Variants in C8B observed in about 807,000 individuals in gnomAD.
The protein encoded by C8B is complement component C8 beta chain.
In C8B, 67 loss-of-function variants were observed where a neutral mutation model predicts 64.6. The observed-to-expected ratio is 1.04, with a 90% CI of 0.85 to 1.27. C8B has a LOEUF of 1.27. Ranked by LOEUF, C8B falls within the 50% of genes most tolerant of loss-of-function variation. The pLI is 0.00. For synonymous variants in C8B, 284 were observed against 257.7 expected, an observed-to-expected ratio of 1.10 and a Z score of -0.98; for missense variants, 790 against 725.2, an observed-to-expected ratio of 1.09 and a Z score of -1.03.
chr1:56,949,389 C>G (rs1644987611), intron 6 of C8B, among the ~76,000 whole-genome samples, 166 bp downstream of exon 6: 1 of 152,160 alleles, frequency 6.6e-6, no homozygotes, highest in African/African-American at 2.4e-5. Context: ...AGCAAGAAGG[C>G]CCTCACTATA....
intron 1 of C8B, 71 bp from the exon 2 acceptor site, chr1:56,960,247 G>T (rs897375826): frequency 1.5e-6 from 2 of 1,369,914 alleles, no homozygotes; most frequent in African/African-American, 1.4e-5. Flanking sequence ...CCATCTATTT[G>T]TACATTCAAT....
At chr1:56,929,602 A>G (rs1484459818) in intron 11 of C8B, 44 bp from the exon 12 acceptor site, 1 of 1,594,928 alleles carries the variant, frequency 6.3e-7, no homozygotes, top group Non-Finnish European at 8.6e-7. Flanking sequence ...CACTTCTTAT[A>G]TTCTGGTGCC....
rs1438196932 is a variant in C8B at position 56,945,955 on chromosome 1, A to G, written c.971T>C (p.Leu324Pro). 1 of 1,614,170 alleles carries G rather than the reference A, an allele frequency of 6.2e-7. No individual in the cohort carries two copies. Among genetic ancestry groups the G allele is most frequent in the Admixed American group, 1.7e-5 (1 of 60,024 alleles). Residue 324 changes from leucine to proline, a missense_variant, in exon 7 of 12, where the codon CTG (leucine) becomes CCG (proline). Leu to Pro is a moderately conservative substitution (Grantham distance 98). Coordinates refer to ENST00000371237, the MANE Select transcript of C8B (RefSeq NM_000066.4). The stretch of plus-strand genomic sequence containing the variant: ...TTCCCCGTAGCTGTACTCCAGGGGC[A>G]GCCGCTTAACTCTCTGAAGGAACTC... The part of the protein sequence containing the change: ...HYEFLQRVKR[L>P]PLEYSYGEYR...
At chr1:56,930,520 TA>T (rs1644685292) in intron 11 of C8B, among the ~76,000 whole-genome samples, 1 of 152,146 alleles carries the variant, frequency 6.6e-6, no homozygotes, top group Admixed American at 6.5e-5. Context: ...AGATGACTGC[TA>T]GGGGCATGGT....
intron 4 of C8B, 108 bp from the exon 5 acceptor site, chr1:56,952,288 A>G (rs1044172306): frequency 8.8e-6 from 13 of 1,485,440 alleles, no homozygotes; most frequent in South Asian, 5.7e-5. Flanking sequence ...ACAGCCTTCA[A>G]GGCCCTTGAT....
At chr1:56,951,027 G>A (rs1032697256) in intron 5 of C8B, among the ~76,000 whole-genome samples, 1 of 152,134 alleles carries the variant, frequency 6.6e-6, no homozygotes, top group African/African-American at 2.4e-5. Flanking sequence ...GCTAAAAAGT[G>A]TGTTGGGGAG....
At chr1:56,936,513 A>ATTTTTTTTTTTT (rs1557728244) in intron 9 of C8B, among the ~76,000 whole-genome samples, 1 of 64,872 alleles carries the variant, frequency 1.5e-5, no homozygotes, top group African/African-American at 5.2e-5. Flanking sequence ...ATTTGTGGTA[A>ATTTTTTTTTTTT]ATTTTTTTTT....
chr1:56,931,054 A>G (rs1644693929), intron 11 of C8B, among the ~76,000 whole-genome samples: 1 of 152,170 alleles, frequency 6.6e-6, no homozygotes, highest in South Asian at 2.1e-4. Context: ...AGTGTCTATT[A>G]TATAGTAAAG....
At chr1:56,936,884 C>T (rs1644783825) in intron 9 of C8B, among the ~76,000 whole-genome samples, 1 of 152,166 alleles carries the variant, frequency 6.6e-6, no homozygotes, top group South Asian at 2.1e-4. Context: ...TGAGCCACCA[C>T]ACCTGCTGGG....
chr1:56,954,917 T>C (rs548656598), intron 3 of C8B, 90 bp from the exon 4 acceptor site: 1,326 of 1,449,942 alleles, frequency 9.1e-4, no homozygotes, highest in Non-Finnish European at 1.2e-3. Context: ...GCCAGACCTT[T>C]TGTCAGGCCT....
Position 56,933,409 on chromosome 1 carries a change from A to G in C8B, c.1478T>C (p.Leu493Pro), listed in dbSNP as rs747130071. ...STVRQNMKQA[L>P]EEFQKEVSSC... ...ACTAACTTCCTTCTGGAACTCCTCC[A>G]GTGCCTGCTTCATGTTCTGCCTCAC... The change falls in exon 10 of 12, where the codon CTG becomes CCG. Residue 493 changes from leucine (L) to proline (P), a missense_variant. Leu to Pro is a moderately conservative substitution (Grantham distance 98). Coordinates refer to ENST00000371237, the MANE Select transcript of C8B (RefSeq NM_000066.4). 4 of 1,613,720 alleles carry G rather than the reference A, an allele frequency of 2.5e-6. No individual in the cohort carries two copies. Among genetic ancestry groups the G allele is most frequent in the Non-Finnish European group, 3.4e-6 (4 of 1,179,622 alleles).
chr1:56,934,630 G>A (rs892997698), intron 9 of C8B, among the ~76,000 whole-genome samples: 1 of 152,116 alleles, frequency 6.6e-6, no homozygotes, highest in Non-Finnish European at 1.5e-5. Flanking sequence ...CCTCCCTTGG[G>A]AAGAAAATTG....
intron 6 of C8B, among the ~76,000 whole-genome samples, chr1:56,947,725 A>C (rs1644961760): frequency 6.6e-6 from 1 of 152,134 alleles, no homozygotes; most frequent in African/African-American, 2.4e-5. Context: ...AGGTCAGTAG[A>C]TCAAGATCAT....
chr1:56,950,274 G>C (rs1416622407), intron 5 of C8B, among the ~76,000 whole-genome samples: 1 of 152,170 alleles, frequency 6.6e-6, no homozygotes, highest in East Asian at 1.9e-4. Context: ...CTGGTGGTTG[G>C]ATTGGAAGGG....
intron 1 of C8B, among the ~76,000 whole-genome samples, chr1:56,965,463 T>C (rs1023315704): frequency 1.3e-5 from 2 of 151,208 alleles, no homozygotes; most frequent in African/African-American, 4.9e-5. Context: ...TCTGAAGATT[T>C]GGGGTTGATG....
chr1:56,944,714 G>C (rs1423513953), intron 7 of C8B, among the ~76,000 whole-genome samples: 1 of 152,168 alleles, frequency 6.6e-6, no homozygotes, highest in Non-Finnish European at 1.5e-5. Context: ...AGGAACAGTG[G>C]AAAGTACTTC....
chr1:56,940,399 TAA>T (rs778772264), intron 9 of C8B, among the ~76,000 whole-genome samples: 6 of 137,500 alleles, frequency 4.4e-5, no homozygotes, highest in Non-Finnish European at 4.8e-5. Flanking sequence ...ACCCCATTTC[TAA>T]AAAAAAAAAA....
At chr1:56,959,750 G>A in intron 2 of C8B, 1 of 834,658 alleles carries the variant, frequency 1.2e-6, no homozygotes, top group Non-Finnish European at 1.8e-6. Flanking sequence ...CATGATGAAA[G>A]ATTGATTGAA....
At chr1:56,953,734 C>T (rs1177040797) in intron 4 of C8B, among the ~76,000 whole-genome samples, 2 of 152,180 alleles carry the variant, frequency 1.3e-5, no homozygotes, top group East Asian at 3.9e-4. Flanking sequence ...GCCCGAGGTG[C>T]CCTGGCCAGT....
Sources: allele counts gnomAD v4.1 joint callset (sites outside exome capture counted in the v4.1 genomes callset), GRCh38; gene constraint gnomAD v4.1.1; transcripts MANE v1.5; gene names NCBI Gene and HGNC (gene_info 2026-07-23, HGNC 2026-07-21).